GPC6: variants seen among roughly 807,000 people sequenced by gnomAD.
GPC6 encodes glypican-6.
A neutral mutation model predicts 55.2 loss-of-function variants in GPC6; 14 were observed. The ratio of observed to expected loss-of-function variants is 0.25; its 90% CI spans 0.17 to 0.40. The LOEUF is 0.40. Ranked by LOEUF, GPC6 falls within the 10% of genes least tolerant of loss-of-function variation. The pLI is 1.00. For missense variants in GPC6, 641 were observed against 708.5 expected (o/e 0.90, Z 1.08); for synonymous variants, 278 against 259.6 (o/e 1.07, Z -0.68).
intron 2 of GPC6, among the ~76,000 whole-genome samples, chr13:93,809,579 C>T (rs907304285): frequency 2.0e-5 from 3 of 152,172 alleles, no homozygotes; most frequent in East Asian, 1.9e-4. Flanking sequence ...AGTTGTTTCT[C>T]GCTGAACCTG....
chr13:94,174,898 G>A (rs1365124694), intron 4 of GPC6, among the ~76,000 whole-genome samples: 1 of 152,016 alleles, frequency 6.6e-6, no homozygotes, highest in Non-Finnish European at 1.5e-5. Context: ...AATCTCATGT[G>A]TGCAGCTCAA....
chr13:94,051,822 C>T (rs4773772), intron 4 of GPC6, among the ~76,000 whole-genome samples: 97,424 of 151,968 alleles, frequency 0.64, 31,635 homozygotes, highest in Middle Eastern at 0.77. Flanking sequence ...ATACAAACTG[C>T]AGAAACACCT....
chr13:94,217,376 T>C (rs890545197), intron 4 of GPC6, among the ~76,000 whole-genome samples: 4 of 152,202 alleles, frequency 2.6e-5, no homozygotes, highest in East Asian at 3.9e-4. Flanking sequence ...GTATGGAATG[T>C]TGTCTCTTTA....
At chr13:93,583,005 A>T (rs550088821) in intron 2 of GPC6, among the ~76,000 whole-genome samples, 8 of 152,242 alleles carry the variant, frequency 5.3e-5, no homozygotes, top group Non-Finnish European at 1.2e-4. Flanking sequence ...TTCTTAAAAC[A>T]CAGAGGTAAA....
At chr13:94,338,596 G>A (rs190505365) in intron 6 of GPC6, among the ~76,000 whole-genome samples, 1 of 152,328 alleles carries the variant, frequency 6.6e-6, no homozygotes, top group African/African-American at 2.4e-5. Context: ...AGTGTGCTCT[G>A]AGAAAACTGT....
rs1002339548 is a variant in GPC6, at chr13:93,455,224, A to G, written c.161-90039A>G. ...GGCTCCGGCCTTGGCCAGACCAGAA[A>G]GGGGCTCCCACAGTGCAGCGGTGGG... On this transcript the variant is annotated intron_variant, in intron 1 of 8. Transcript: ENST00000377047. Among the ~76,000 whole-genome samples the G allele has an allele frequency of 2.6e-5, 4 of 152,132 alleles. No homozygotes were observed. The East Asian group carries it at 5.8e-4, about 22-fold the overall frequency.
intron 7 of GPC6, among the ~76,000 whole-genome samples, chr13:94,395,859 A>G (rs973455976): frequency 6.6e-6 from 1 of 152,218 alleles, no homozygotes; most frequent in Non-Finnish European, 1.5e-5. Flanking sequence ...TGTCAGACCC[A>G]ATCTTCATCA....
chr13:93,893,287 G>C (rs1875798238), intron 3 of GPC6, among the ~76,000 whole-genome samples: 1 of 152,024 alleles, frequency 6.6e-6, no homozygotes, highest in Non-Finnish European at 1.5e-5. Context: ...TCAAACTCCT[G>C]ACCTCAGGTG....
At chr13:93,982,769 A>G (rs1280660554) in intron 3 of GPC6, among the ~76,000 whole-genome samples, 4 of 152,194 alleles carry the variant, frequency 2.6e-5, no homozygotes, top group African/African-American at 9.6e-5. Flanking sequence ...TTCCGTCAGC[A>G]TCACCTCTCC....
chr13:93,836,618 T>G (rs888067383), intron 3 of GPC6, among the ~76,000 whole-genome samples: 1 of 152,216 alleles, frequency 6.6e-6, no homozygotes, highest in Non-Finnish European at 1.5e-5. Flanking sequence ...TTTGAAATTA[T>G]CAATGATGTT....
intron 4 of GPC6, among the ~76,000 whole-genome samples, chr13:94,117,303 G>C (rs150070247): frequency 2.6e-5 from 4 of 152,176 alleles, no homozygotes; most frequent in African/African-American, 4.8e-5. Context: ...AATTCCAAAG[G>C]TGTTGTATCC....
intron 3 of GPC6, among the ~76,000 whole-genome samples, chr13:93,944,173 TA>T (rs1878875969): frequency 1.6e-4 from 1 of 6,286 alleles, no homozygotes; most frequent in Non-Finnish European, 5.2e-4. Flanking sequence ...CCTTTTATTT[TA>T]TTTATTTATT....
At chr13:93,962,427 A>AT (rs951717339) in intron 3 of GPC6, among the ~76,000 whole-genome samples, 19 of 151,818 alleles carry the variant, frequency 1.3e-4, no homozygotes, top group Non-Finnish European at 1.8e-4. Flanking sequence ...ATATATATAT[A>AT]TTTTTTTTCT....
chr13:93,312,911 G>A (rs987892945), intron 1 of GPC6, among the ~76,000 whole-genome samples: 7 of 152,070 alleles, frequency 4.6e-5, no homozygotes, highest in African/African-American at 7.2e-5. Context: ...TGAAGCCAGC[G>A]CTGCCATGCT....
At chr13:93,903,244 T>C (rs1387010085) in intron 3 of GPC6, among the ~76,000 whole-genome samples, 1 of 152,210 alleles carries the variant, frequency 6.6e-6, no homozygotes, top group Admixed American at 6.5e-5. Context: ...AAGTAAGATG[T>C]AGCCCTTTGA....
chr13:93,578,854 C>T (rs1043277567), intron 2 of GPC6, among the ~76,000 whole-genome samples: 1 of 151,952 alleles, frequency 6.6e-6, no homozygotes, highest in African/African-American at 2.4e-5. Flanking sequence ...ACTACTTTTA[C>T]TGTATCCCAC....
chr13:93,705,021 C>T (rs978781087), intron 2 of GPC6, among the ~76,000 whole-genome samples: 9 of 151,884 alleles, frequency 5.9e-5, no homozygotes, highest in Admixed American at 6.6e-5. Flanking sequence ...TATTTGCATA[C>T]GTGGTTCCTC....
chr13:94,127,309 G>A (rs1017544879), intron 4 of GPC6, among the ~76,000 whole-genome samples: 2 of 152,066 alleles, frequency 1.3e-5, no homozygotes, highest in Non-Finnish European at 2.9e-5. Flanking sequence ...GGATCATGGG[G>A]ACAGATCCCT....
At chr13:94,248,632 A>C (rs1303724826) in intron 4 of GPC6, among the ~76,000 whole-genome samples, 1 of 151,986 alleles carries the variant, frequency 6.6e-6, no homozygotes, top group Non-Finnish European at 1.5e-5. Context: ...TCACCAAAAA[A>C]ATTTCCATAC....
Sources: gnomAD v4.1 joint callset for allele counts (sites outside exome capture counted in the v4.1 genomes callset) on GRCh38, gnomAD v4.1.1 for gene constraint, MANE v1.5 for transcripts, NCBI Gene and HGNC (gene_info 2026-07-23, HGNC 2026-07-21) for gene names.